CORO2A: variants seen among roughly 807,000 people sequenced by gnomAD.
The protein encoded by CORO2A is coronin 2A, also known as coronin-2A.
CORO2A carries 47 observed loss-of-function variants against 62.4 expected under a neutral mutation model. The ratio of observed to expected loss-of-function variants is 0.75; its 90% CI spans 0.60 to 0.96. The LOEUF (loss-of-function observed/expected upper bound fraction) is 0.96, where lower values mean the gene tolerates loss of function less well. Ranked by LOEUF, CORO2A falls within the 40% of genes least tolerant of loss-of-function variation. CORO2A has a pLI of 0.00. For synonymous variants in CORO2A, 273 were observed against 268.9 expected (o/e 1.02, Z -0.15); for missense variants, 610 against 684.1 (o/e 0.89, Z 1.21).
At chr9:98,163,405 G>T (rs965905524) in intron 1 of CORO2A, among the ~76,000 whole-genome samples, 7 of 152,146 alleles carry the variant, frequency 4.6e-5, no homozygotes, top group Admixed American at 3.9e-4. Flanking sequence ...GCCCAGGCTG[G>T]TCACAAACTC....
chr9:98,160,925 C>T (rs747144365), intron 1 of CORO2A, among the ~76,000 whole-genome samples: 5 of 152,184 alleles, frequency 3.3e-5, no homozygotes, highest in Non-Finnish European at 7.3e-5. Context: ...CCCTCTAGGA[C>T]TCTCGTCCTT....
intron 1 of CORO2A, among the ~76,000 whole-genome samples, chr9:98,170,447 T>C (rs958812143): frequency 1.3e-5 from 2 of 152,138 alleles, no homozygotes; most frequent in Non-Finnish European, 2.9e-5. Context: ...TCTTTTATTG[T>C]TGTTGTTTTT....
At chr9:98,175,575 T>C (rs927878768) in intron 1 of CORO2A, among the ~76,000 whole-genome samples, 2 of 152,228 alleles carry the variant, frequency 1.3e-5, no homozygotes, top group African/African-American at 2.4e-5. Context: ...TAAATGGGCA[T>C]GGGCATCCCT....
At chr9:98,173,472 G>C (rs2231652) in intron 1 of CORO2A, among the ~76,000 whole-genome samples, 16,063 of 152,122 alleles carry the variant, frequency 0.11, 1,097 homozygotes, top group Admixed American at 0.21. Context: ...CAAAATCCAC[G>C]GGCTCCATGA....
intron 1 of CORO2A, among the ~76,000 whole-genome samples, chr9:98,162,349 G>T (rs982399511): frequency 2.6e-5 from 4 of 152,174 alleles, no homozygotes; most frequent in African/African-American, 4.8e-5. Context: ...GGAAAATGAG[G>T]CCCAGGAAGC....
chr9:98,127,662 A>C (rs977758236), intron 10 of CORO2A, among the ~76,000 whole-genome samples: 2 of 151,820 alleles, frequency 1.3e-5, no homozygotes, highest in Non-Finnish European at 2.9e-5. Flanking sequence ...AAAATACGAA[A>C]AATTAGCTGG....
chr9:98,162,425 C>T (rs1564212562), intron 1 of CORO2A, among the ~76,000 whole-genome samples: 1 of 152,214 alleles, frequency 6.6e-6, no homozygotes, highest in Non-Finnish European at 1.5e-5. Flanking sequence ...AGCAAAAGAG[C>T]GTGAACATCA....
chr9:98,156,246 C>G (rs1469646873), intron 2 of CORO2A, among the ~76,000 whole-genome samples: 2 of 151,984 alleles, frequency 1.3e-5, no homozygotes, highest in Non-Finnish European at 2.9e-5. Flanking sequence ...CACCATGTTG[C>G]CCAGGCTGGT....
chr9:98,153,406 C>CT (rs748913791), intron 2 of CORO2A, among the ~76,000 whole-genome samples: 7,626 of 129,466 alleles, frequency 0.059, 567 homozygotes, highest in African/African-American at 0.18. Flanking sequence ...CGGCTGATAA[C>CT]TTTTTTTTTT....
chr9:98,144,454 T>A (rs1462465644), intron 2 of CORO2A, among the ~76,000 whole-genome samples: 1 of 152,128 alleles, frequency 6.6e-6, no homozygotes, highest in African/African-American at 2.4e-5. Flanking sequence ...ACCATGGTTA[T>A]CATCATCATC....
intron 1 of CORO2A, among the ~76,000 whole-genome samples, chr9:98,171,798 A>C (rs1196981875): frequency 1.3e-5 from 2 of 151,884 alleles, no homozygotes; most frequent in Non-Finnish European, 2.9e-5. Flanking sequence ...GCAGGCCAGC[A>C]ATGGGGCTGC....
intron 1 of CORO2A, among the ~76,000 whole-genome samples, chr9:98,164,845 G>A (rs1387304197): frequency 1.3e-5 from 2 of 152,156 alleles, no homozygotes; most frequent in Non-Finnish European, 2.9e-5. Context: ...GGTTTGCCTC[G>A]GATTGTGGAG....
At chr9:98,145,025 G>A (rs1039757447) in intron 2 of CORO2A, among the ~76,000 whole-genome samples, 1 of 152,112 alleles carries the variant, frequency 6.6e-6, no homozygotes, top group African/African-American at 2.4e-5. Flanking sequence ...CCTAGGAATG[G>A]CAGCACTTCT....
intron 1 of CORO2A, among the ~76,000 whole-genome samples, chr9:98,160,016 G>A (rs1588005891): frequency 1.3e-5 from 2 of 152,306 alleles, no homozygotes; most frequent in East Asian, 1.9e-4. Context: ...AAGTCATAGC[G>A]ATAAGGGCCT....
intron 2 of CORO2A, among the ~76,000 whole-genome samples, chr9:98,143,869 G>C (rs377490116): frequency 2.5e-4 from 38 of 152,300 alleles, no homozygotes; most frequent in African/African-American, 8.2e-4. Context: ...GTGAATGCAG[G>C]CAGCTGGATC....
chr9:98,134,823 C>G lies in CORO2A; in HGVS notation c.451G>C (p.Ala151Pro). The G allele has an allele frequency of 3.1e-6, 5 of 1,613,444 alleles. No individual in the cohort carries two copies. The highest frequency in any genetic ancestry group is 4.2e-6 in the Non-Finnish European group (5 of 1,179,672). ...HPTAANILFSAGYDYKVMIWN... is the reference protein window; with the variant it reads ...HPTAANILFSPGYDYKVMIWN... ...AGACTCACCTTGTAGTCATAGCCAG[C>G]ACTGAAGAGGATGTTGGCGGCCGTG... Residue 151 changes from alanine (A) to proline (P), a missense_variant, in exon 4 of 12, where the codon GCT becomes CCT. Transcript: ENST00000375077.
At chr9:98,165,318 A>G (rs1827944458) in intron 1 of CORO2A, among the ~76,000 whole-genome samples, 1 of 152,230 alleles carries the variant, frequency 6.6e-6, no homozygotes, top group Non-Finnish European at 1.5e-5. Context: ...GTTGTCTGCG[A>G]GAGAGGAGGC....
chr9:98,161,951 G>A (rs1463403668), intron 1 of CORO2A, among the ~76,000 whole-genome samples: 1 of 152,320 alleles, frequency 6.6e-6, no homozygotes. Context: ...GAGGAGTGAG[G>A]AGGCCGTGAG....
intron 1 of CORO2A, among the ~76,000 whole-genome samples, chr9:98,165,488 G>A (rs565401395): frequency 3.9e-5 from 6 of 152,306 alleles, no homozygotes; most frequent in South Asian, 2.1e-4. Flanking sequence ...GCGCCAAGCC[G>A]TGTCAGGAGC....
Sources: gnomAD v4.1 joint callset for allele counts (sites outside exome capture counted in the v4.1 genomes callset) on GRCh38, gnomAD v4.1.1 for gene constraint, MANE v1.5 for transcripts, NCBI Gene and HGNC (gene_info 2026-07-23, HGNC 2026-07-21) for gene names.